SYN3: variants seen among roughly 807,000 people sequenced by gnomAD.
SYN3 encodes synapsin-3.
SYN3 carries 35 observed loss-of-function variants against 65.8 expected under a neutral mutation model. The observed-to-expected ratio is 0.53, with a 90% confidence interval of 0.41 to 0.70. The LOEUF is 0.70. Among genes scored for constraint, SYN3 ranks in the 30% least tolerant of loss-of-function variants. The pLI is 0.00. For synonymous variants in SYN3, 270 were observed against 292.9 expected (o/e 0.92, Z 0.80); for missense variants, 680 against 749.0 (o/e 0.91, Z 1.08).
chr22:33,006,771 G>A lies in SYN3; in HGVS notation c.-109C>T, dbSNP rs1403128753. On this transcript the variant is annotated 5_prime_UTR_variant, in exon 2 of 14. Coordinates refer to ENST00000358763, the MANE Select transcript of SYN3 (RefSeq NM_003490.4). The stretch of plus-strand genomic sequence containing the variant: ...GAGTGGTAGGACTTTAGCCAGAAGA[G>A]CCAGGGGGATTTTGCGCAACCAGCA... 1.5e-5 allele frequency: 18 copies of A among 1,174,752 alleles called. No individual in the cohort carries two copies. The East Asian group carries it at 4.1e-4, about 27-fold the overall frequency. The allele number at this position is 1,174,752 out of a possible 1,614,324, so 72.8% of individuals were successfully genotyped here.
chr22:32,558,938 T>C (rs2058543896), intron 7 of SYN3, among the ~76,000 whole-genome samples: 3 of 152,212 alleles, frequency 2.0e-5, no homozygotes, highest in South Asian at 4.1e-4. Flanking sequence ...TCTGGGACCA[T>C]GTGACTCAGC....
intron 1 of SYN3, among the ~76,000 whole-genome samples, chr22:33,039,722 T>A (rs1345987698): frequency 1.3e-5 from 2 of 152,102 alleles, no homozygotes; most frequent in Admixed American, 1.3e-4. Flanking sequence ...GTCACCTTTT[T>A]AAAGATGGTA....
At chr22:32,872,096 G>A (rs777237190) in intron 4 of SYN3, among the ~76,000 whole-genome samples, 1 of 151,924 alleles carries the variant, frequency 6.6e-6, no homozygotes, top group Non-Finnish European at 1.5e-5. Flanking sequence ...CCCAACCCTC[G>A]TTTTGCCCTA....
chr22:32,927,382 A>G (rs544812885), intron 4 of SYN3, among the ~76,000 whole-genome samples: 1 of 150,166 alleles, frequency 6.7e-6, no homozygotes, highest in Non-Finnish European at 1.5e-5. Flanking sequence ...CTACCAATTC[A>G]GCCTCCCTGA....
chr22:32,787,064 T>C (rs373983142), intron 6 of SYN3, among the ~76,000 whole-genome samples: 11,188 of 150,852 alleles, frequency 0.074, 438 homozygotes, highest in Middle Eastern at 0.12. Context: ...TTTTCTTTTT[T>C]TTTTTTTTTT....
chr22:32,518,214 C>A lies in SYN3; in HGVS notation c.1439G>T (p.Arg480Met). 1 of 1,613,892 alleles carries A rather than the reference C, an allele frequency of 6.2e-7. No individual in the cohort carries two copies. The highest frequency in any genetic ancestry group is 8.5e-7 in the Non-Finnish European group (1 of 1,179,972). The change falls in exon 13 of 14, where the codon AGG (arginine) becomes ATG (methionine). Residue 480 changes from arginine (R) to methionine (M), a missense_variant. Arg to Met is a moderately conservative substitution (Grantham distance 91, BLOSUM62 -1). Transcript: ENST00000358763. ...SPQSGSPQQQRSPGSPQLSRA... is the reference protein window; with the variant it reads ...SPQSGSPQQQMSPGSPQLSRA... ...GGATAGCTGCGGAGAGCCTGGTGAC[C>A]TTTGCTGCTGTGGAGATCCGGACTG... is the stretch of plus-strand genomic sequence containing the variant.
intron 6 of SYN3, among the ~76,000 whole-genome samples, chr22:32,830,118 C>T (rs571200441): frequency 2.2e-4 from 34 of 152,322 alleles, no homozygotes; most frequent in South Asian, 1.0e-3. Flanking sequence ...TGAGCTTGCA[C>T]GGCCCATATG....
chr22:32,743,584 T>C (rs3788503), intron 6 of SYN3, among the ~76,000 whole-genome samples: 1 of 152,102 alleles, frequency 6.6e-6, no homozygotes, highest in East Asian at 1.9e-4. Context: ...AAGAGGTAAG[T>C]TCTAGCAATT....
intron 7 of SYN3, among the ~76,000 whole-genome samples, chr22:32,553,229 G>C (rs1275738318): frequency 2.0e-5 from 3 of 152,196 alleles, no homozygotes; most frequent in Non-Finnish European, 4.4e-5. Flanking sequence ...ATTCAGTCCA[G>C]AGCATCTCAT....
chr22:32,618,193 A>G (rs1569096099), intron 6 of SYN3, among the ~76,000 whole-genome samples: 1 of 152,140 alleles, frequency 6.6e-6, no homozygotes, highest in Non-Finnish European at 1.5e-5. Flanking sequence ...ACAGTGCCTG[A>G]CACAGAGTCG....
At chr22:32,750,450 C>A (rs777510380) in intron 6 of SYN3, among the ~76,000 whole-genome samples, 1 of 152,152 alleles carries the variant, frequency 6.6e-6, no homozygotes, top group Non-Finnish European at 1.5e-5. Context: ...ATTGCCTAAA[C>A]CCCTTCTGCA....
intron 12 of SYN3, among the ~76,000 whole-genome samples, chr22:32,526,826 G>A (rs1162164732): frequency 6.6e-6 from 1 of 152,082 alleles, no homozygotes; most frequent in Non-Finnish European, 1.5e-5. Context: ...GCCTCTGATA[G>A]GTTTTTAAGA....
At chr22:32,864,649 G>A (rs765384596) in intron 6 of SYN3, 12 of 311,014 alleles carry the variant, frequency 3.9e-5, no homozygotes, top group African/African-American at 1.3e-4. Flanking sequence ...CCCCCAGAAC[G>A]TGTCCCCTGA....
At chr22:32,530,422 C>A (rs935560988) in intron 10 of SYN3, among the ~76,000 whole-genome samples, 2 of 152,110 alleles carry the variant, frequency 1.3e-5, no homozygotes, top group African/African-American at 4.8e-5. Flanking sequence ...GCACTGGCAA[C>A]CCACGGTCCT....
intron 6 of SYN3, among the ~76,000 whole-genome samples, chr22:32,692,559 C>G (rs913747391): frequency 6.6e-6 from 1 of 152,220 alleles, no homozygotes; most frequent in Non-Finnish European, 1.5e-5. Context: ...ACCCTGGAGG[C>G]CTTGTCATTT....
At chr22:32,617,044 C>A (rs538293198) in intron 6 of SYN3, among the ~76,000 whole-genome samples, 1 of 152,142 alleles carries the variant, frequency 6.6e-6, no homozygotes, top group Non-Finnish European at 1.5e-5. Context: ...CAAGGCTTCA[C>A]GTTTAAGAAG....
chr22:32,543,495 T>A (rs183687341), intron 7 of SYN3, among the ~76,000 whole-genome samples: 1 of 152,234 alleles, frequency 6.6e-6, no homozygotes, highest in Non-Finnish European at 1.5e-5. Context: ...TGACTCCAGG[T>A]CTCAATTTGC....
intron 3 of SYN3, among the ~76,000 whole-genome samples, chr22:32,948,390 G>A (rs2051178427): frequency 6.6e-6 from 1 of 152,114 alleles, no homozygotes; most frequent in Admixed American, 6.6e-5. Context: ...CAGCACATTC[G>A]AAGTTCCAGG....
At chr22:32,525,700 C>A (rs1483790960) in intron 12 of SYN3, among the ~76,000 whole-genome samples, 1 of 140,880 alleles carries the variant, frequency 7.1e-6, no homozygotes, top group Non-Finnish European at 1.5e-5. Context: ...GACAAGGAGA[C>A]TCCGTCTCAA....
Sources: gnomAD v4.1 joint callset for allele counts (sites outside exome capture counted in the v4.1 genomes callset) on GRCh38, gnomAD v4.1.1 for gene constraint, MANE v1.5 for transcripts, NCBI Gene and HGNC (gene_info 2026-07-23, HGNC 2026-07-21) for gene names.